ZNF248: variants seen among roughly 807,000 people sequenced by gnomAD.
ZNF248 encodes zinc finger protein 248, also known as KRAB protein domain.
In ZNF248, 20 loss-of-function variants were observed where a neutral mutation model predicts 44.3. The observed-to-expected ratio is 0.45, with a 90% CI of 0.32 to 0.66. The LOEUF is 0.66. ZNF248 is among the 30% of genes least tolerant of loss of function. ZNF248 has a pLI of 0.04. For synonymous variants in ZNF248, 224 were observed against 229.0 expected, an observed-to-expected ratio of 0.98 and a Z score of 0.20; for missense variants, 654 against 677.0, an observed-to-expected ratio of 0.97 and a Z score of 0.38.
At chr10:37,810,937 C>G (rs2051390761) in intron 6 of ZNF248, among the ~76,000 whole-genome samples, 1 of 152,152 alleles carries the variant, frequency 6.6e-6, no homozygotes, top group Admixed American at 6.5e-5. Flanking sequence ...TCATGTAAAG[C>G]TAATCATCTT....
the ZNF248 span, among the ~76,000 whole-genome samples, chr10:37,770,825 G>A: frequency 6.6e-6 from 1 of 152,072 alleles, no homozygotes. Flanking sequence ...TACCATCAGA[G>A]TGAACAGGCA....
At position 37,832,414 on chromosome 10, in the gene ZNF248, A is replaced by G; in HGVS notation, c.941T>C (p.Ile314Thr). 1.2e-6 allele frequency: 2 copies of G among 1,614,018 alleles called. No individual in the cohort carries two copies. Among genetic ancestry groups the G allele is most frequent in the Non-Finnish European group, 1.7e-6 (2 of 1,179,956 alleles). Reference protein sequence around the residue: ...EIFCDNSAFIIHQGAYTRKIL... With the variant: ...EIFCDNSAFITHQGAYTRKIL... ...CTTTCTTGTGTAAGCTCCCTGATGG[A>G]TAATGAAAGCTGAATTGTCACAGAA... The change falls in exon 6 of 6, where the codon ATC becomes ACC. Residue 314 changes from isoleucine (I) to threonine (T), a missense_variant. Physicochemically the swap from Ile to Thr is moderately conservative, Grantham distance 89. Coordinates refer to ENST00000395867, the MANE Select transcript of ZNF248 (RefSeq NM_021045.3).
intron 3 of ZNF248, among the ~76,000 whole-genome samples, chr10:37,853,086 T>TGCCC: frequency 6.6e-6 from 1 of 152,048 alleles, no homozygotes; most frequent in Non-Finnish European, 1.5e-5. Context: ...CCTCGTGATC[T>TGCCC]GCCCGCCTTG....
At chr10:37,819,958 C>T (rs532998866) in intron 6 of ZNF248, 24 of 766,928 alleles carry the variant, frequency 3.1e-5, no homozygotes, top group African/African-American at 2.9e-4. Flanking sequence ...AGTAGTAAAG[C>T]GGCCCCATCT....
At chr10:37,804,182 G>A (rs2050216089) in intron 6 of ZNF248, among the ~76,000 whole-genome samples, 1 of 140,674 alleles carries the variant, frequency 7.1e-6, no homozygotes, top group Non-Finnish European at 1.5e-5. Flanking sequence ...TCGGCTCACT[G>A]TCGCCTTCGC....
At chr10:37,789,064 GT>G (rs146450233) in intron 6 of ZNF248, among the ~76,000 whole-genome samples, 18 of 152,074 alleles carry the variant, frequency 1.2e-4, no homozygotes, top group Non-Finnish European at 2.5e-4. Context: ...TAGAGATGGG[GT>G]TTCATCATGT....
At chr10:37,795,514 C>G (rs1012785924) in intron 6 of ZNF248, 2 of 152,076 alleles carry the variant, frequency 1.3e-5, no homozygotes, top group African/African-American at 4.8e-5. Context: ...CATGAGATCT[C>G]TTTTGGCTGC....
intron 6 of ZNF248, chr10:37,802,982 C>T (rs2050012594): frequency 6.6e-6 from 1 of 151,710 alleles, no homozygotes; most frequent in Admixed American, 6.6e-5. Flanking sequence ...GTGCGCACCA[C>T]CACAGCCAGA....
chr10:37,856,543 G>A lies in ZNF248; in HGVS notation c.-125-11C>T, dbSNP rs2061325424. ...TTACCAATTTAGGTTCTGTGACACA[G>A]AAAAATTAAAAACATGAAAAGATGA... On this transcript the variant is annotated splice_polypyrimidine_tract_variant and intron_variant, in intron 1 of 5. Transcript: ENST00000395867. The A allele has an allele frequency of 7.6e-6, 9 of 1,179,180 alleles. No individual in the cohort carries two copies. In the South Asian group the frequency reaches 1.2e-4, roughly 16 times the overall value. 73.0% of individuals were successfully genotyped at this position (1,179,180 alleles called of 1,614,324 possible).
chr10:37,819,721 T>C, intron 6 of ZNF248: 1 of 782,760 alleles, frequency 1.3e-6, no homozygotes. Flanking sequence ...CATGGTATTC[T>C]GCTAATGTTA....
chr10:37,833,472 T>C (rs1204219942), intron 5 of ZNF248, among the ~76,000 whole-genome samples: 1 of 152,068 alleles, frequency 6.6e-6, no homozygotes. Flanking sequence ...ACAGAGACAA[T>C]GAACACTGAA....
intron 6 of ZNF248, among the ~76,000 whole-genome samples, chr10:37,797,737 A>G (rs867562403): frequency 1.3e-5 from 2 of 152,154 alleles, no homozygotes; most frequent in Non-Finnish European, 2.9e-5. Flanking sequence ...GGGAAAATCA[A>G]CTCAAAATCA....
chr10:37,773,162 C>T (rs1178873207), downstream of ZNF248, among the ~76,000 whole-genome samples: 3 of 152,172 alleles, frequency 2.0e-5, no homozygotes, highest in African/African-American at 7.2e-5. Flanking sequence ...AGGAGAATCA[C>T]TTAAACCAGG....
At chr10:37,803,645 T>C (rs2050111349) in intron 6 of ZNF248, 1 of 152,240 alleles carries the variant, frequency 6.6e-6, no homozygotes. Context: ...ACGTGGGTTC[T>C]TAGGGACTAC....
chr10:37,819,096 T>C, intron 6 of ZNF248: 1 of 786,192 alleles, frequency 1.3e-6, no homozygotes, highest in Non-Finnish European at 2.3e-6. Context: ...GTAATTTTTC[T>C]CTCTCCACAC....
intron 6 of ZNF248, among the ~76,000 whole-genome samples, chr10:37,792,738 A>C (rs2048705243): frequency 6.6e-6 from 1 of 152,214 alleles, no homozygotes; most frequent in Non-Finnish European, 1.5e-5. Flanking sequence ...GCAGTCACAG[A>C]TTGAAAGACA....
At chr10:37,808,742 A>C (rs2051001421) in intron 6 of ZNF248, among the ~76,000 whole-genome samples, 1 of 152,266 alleles carries the variant, frequency 6.6e-6, no homozygotes, top group Admixed American at 6.5e-5. Context: ...CTCACAGAAC[A>C]AATTTGGAAG....
chr10:37,849,748 C>T (rs567155500), intron 3 of ZNF248, among the ~76,000 whole-genome samples: 4 of 151,850 alleles, frequency 2.6e-5, no homozygotes, highest in South Asian at 2.1e-4. Context: ...ACATGGAAGA[C>T]AGTACAAAAG....
Position 37,815,355 on chromosome 10 carries a change from C to T in ZNF248, c.330+17670G>A, listed in dbSNP as rs543385258. Reference sequence around the variant, plus strand: ...CTGGGATTATAGTCATAAGCCACCGCGCTCAGCTTCAGTCTTTTTTCTTTC... The same window carrying T: ...CTGGGATTATAGTCATAAGCCACCGTGCTCAGCTTCAGTCTTTTTTCTTTC... On this transcript the variant is annotated intron_variant, in intron 6 of 6. Coordinates refer to the ZNF248 transcript ENST00000615949. 1.4e-4 allele frequency among the ~76,000 whole-genome samples: 21 copies of T among 151,906 alleles called. No individual in the cohort carries two copies. In the South Asian group the frequency reaches 2.3e-3, roughly 17 times the overall value.
Sources: gnomAD v4.1 joint callset for allele counts (sites outside exome capture counted in the v4.1 genomes callset) on GRCh38, gnomAD v4.1.1 for gene constraint, MANE v1.5 for transcripts, NCBI Gene and HGNC (gene_info 2026-07-23, HGNC 2026-07-21) for gene names.